The following HTD2 variants were observed in gnomAD, a reference collection of about 807,000 sequenced individuals.
HTD2 encodes the protein hydroxyacyl-thioester dehydratase type 2, mitochondrial.
A neutral mutation model predicts 3.1 loss-of-function variants in HTD2; 1 was observed. The ratio of observed to expected loss-of-function variants is 0.32; its 90% CI spans 0.11 to 1.52. The LOEUF (loss-of-function observed/expected upper bound fraction) is 1.52. Among genes scored for constraint, HTD2 ranks in the 40% most tolerant of loss-of-function variants. HTD2 has a pLI of 0.39. For synonymous variants in HTD2, 50 were observed against 28.9 expected (o/e 1.73, Z -2.34); for missense variants, 150 against 79.6 (o/e 1.88, Z -3.36).
chr3:58,311,618 A>C (rs1336111072), intron 2 of HTD2, among the ~76,000 whole-genome samples: 1 of 151,362 alleles, frequency 6.6e-6, no homozygotes, highest in Non-Finnish European at 1.5e-5. Context: ...ATTGTAATAT[A>C]TACCACTTTT....
chr3:58,315,313 T>C (rs1189284517), intron 2 of HTD2, among the ~76,000 whole-genome samples: 4 of 152,032 alleles, frequency 2.6e-5, no homozygotes, highest in Admixed American at 6.6e-5. Flanking sequence ...GTGTTTCCAT[T>C]TATAGAAGAC....
At chr3:58,310,229 C>G (rs770557650) in intron 1 of HTD2, 21 of 1,152,914 alleles carry the variant, frequency 1.8e-5, no homozygotes, top group Non-Finnish European at 2.7e-5. Context: ...CAAAAAAAAC[C>G]CAAATAGGCC....
At chr3:58,316,106 GC>G (rs2107508717) in intron 2 of HTD2, among the ~76,000 whole-genome samples, 1 of 152,340 alleles carries the variant, frequency 6.6e-6, no homozygotes, top group Non-Finnish European at 1.5e-5. Context: ...TTATATAGCT[GC>G]AAACAAACAG....
chr3:58,313,940 A>ATGG (rs2097485136), intron 2 of HTD2, among the ~76,000 whole-genome samples: 1 of 152,240 alleles, frequency 6.6e-6, no homozygotes, highest in Admixed American at 6.5e-5. Flanking sequence ...TAATCCCAAC[A>ATGG]CTTTGGGAAG....
At chr3:58,312,670 C>G (rs1387307857) in intron 2 of HTD2, among the ~76,000 whole-genome samples, 3 of 151,994 alleles carry the variant, frequency 2.0e-5, no homozygotes, top group Non-Finnish European at 4.4e-5. Flanking sequence ...ATGAGAAAGT[C>G]TCCTTATGGG....
intron 2 of HTD2, among the ~76,000 whole-genome samples, chr3:58,310,884 A>T (rs1356014737): frequency 1.3e-4 from 19 of 151,272 alleles, no homozygotes; most frequent in Non-Finnish European, 1.5e-5. Flanking sequence ...GAGCCGAGAT[A>T]ACGCCACTGC....
chr3:58,310,219 CAAAA>C (rs1002160792), intron 1 of HTD2: 3 of 977,970 alleles, frequency 3.1e-6, no homozygotes, highest in African/African-American at 1.6e-5. Flanking sequence ...AACAAACAAA[CAAAA>C]AAAACCCAAA....
At chr3:58,313,597 T>G (rs1406803474) in intron 2 of HTD2, among the ~76,000 whole-genome samples, 1 of 151,094 alleles carries the variant, frequency 6.6e-6, no homozygotes, top group Non-Finnish European at 1.5e-5. Context: ...GCCAAGCGGG[T>G]GGATCACTTG....
In HTD2 at chr3:58,316,604, G is replaced by C. The variant is rs1242359311; in HGVS notation, c.-254+13G>C. 2.2e-5 allele frequency: 35 copies of C among 1,609,102 alleles called. No homozygotes were observed. Among genetic ancestry groups the C allele is most frequent in the African/African-American group, 4.0e-5 (3 of 74,846 alleles). Reference sequence around the variant, plus strand: ...GAATATGTAGCAGGTATGACAGAGAGTGGGAAATTTCTAGTATAACAGGGC... The same window carrying C: ...GAATATGTAGCAGGTATGACAGAGACTGGGAAATTTCTAGTATAACAGGGC... On this transcript the variant is annotated intron_variant, in intron 3 of 4. Transcript: ENST00000461393.
At chr3:58,312,334 A>ACCCCCCCCCCCCCC (rs76719108) in intron 2 of HTD2, among the ~76,000 whole-genome samples, 4 of 69,662 alleles carry the variant, frequency 5.7e-5, no homozygotes, top group Admixed American at 1.7e-4. Context: ...CAACCTCCGC[A>ACCCCCCCCCCCCCC]CCCCCCCCCG....
intron 1 of HTD2, among the ~76,000 whole-genome samples, chr3:58,307,600 C>T (rs549111206): frequency 2.4e-4 from 37 of 152,238 alleles, no homozygotes; most frequent in Non-Finnish European, 8.8e-5. Flanking sequence ...ATGACGTACG[C>T]CTGTAATCCC....
chr3:58,312,862 G>A (rs2097483788), intron 2 of HTD2, among the ~76,000 whole-genome samples: 1 of 151,256 alleles, frequency 6.6e-6, no homozygotes. Flanking sequence ...TTGGAAGACT[G>A]AGGCAGGAGA....
At position 58,310,519 on chromosome 3, in the gene HTD2, TTG is replaced by T; in HGVS notation, c.-400_-399del. 6.2e-7 allele frequency: 1 copy of T among 1,610,620 alleles called. No individual in the cohort carries two copies. Among genetic ancestry groups the T allele is most frequent in the Non-Finnish European group, 8.5e-7 (1 of 1,179,072 alleles). On this transcript the variant is annotated 5_prime_UTR_variant, in exon 2 of 5. An upstream open reading frame in the 5' UTR loses its in-frame stop. Coordinates refer to ENST00000461393, the MANE Select transcript of HTD2 (RefSeq NM_001348712.2). ...TCACTTTTTTTAGAGAATTTCAAGATTGTGGAGTTGGACTGAATGCTGCACAG... is the reference window on the plus strand; with the variant it reads ...TCACTTTTTTTAGAGAATTTCAAGATTGGAGTTGGACTGAATGCTGCACAG...
chr3:58,310,446 C>G (rs1291095003), intron 1 of HTD2, 61 bp from the exon 2 acceptor site: 2 of 1,605,350 alleles, frequency 1.2e-6, no homozygotes, highest in Non-Finnish European at 1.7e-6. Flanking sequence ...GATTACTTTT[C>G]TAACATGAAT....
At position 58,318,385 on chromosome 3, in the gene HTD2, C is replaced by T. The variant is rs1135089; in HGVS notation, c.*265C>T. ...TTTAATTCAAGAAGTAGGCTGGGCC[C>T]GGTGGCTCATGCCTGTAATCCTGGC... On this transcript the variant is annotated 3_prime_UTR_variant, in exon 5 of 5. Coordinates refer to ENST00000461393, the MANE Select transcript of HTD2 (RefSeq NM_001348712.2). 0.25 allele frequency: 67,345 copies of T among 272,230 alleles called. 11,821 individuals carry two copies. The highest frequency in any genetic ancestry group is 0.79 in the East Asian group (10,410 of 13,220). The allele number at this position is 272,230 out of a possible 1,614,324, so 16.9% of individuals were successfully genotyped here. A position where few individuals can be genotyped will look rare whatever the true frequency, so the allele number is the denominator to read the frequency against.
chr3:58,308,526 C>G (rs1208035162), intron 1 of HTD2, among the ~76,000 whole-genome samples: 2 of 152,108 alleles, frequency 1.3e-5, no homozygotes, highest in Non-Finnish European at 2.9e-5. Context: ...CTCCTGGCCT[C>G]CCAAACTGTT....
chr3:58,317,301 G>A (rs547962572), intron 4 of HTD2, 139 bp from the exon 5 acceptor site: 12 of 629,134 alleles, frequency 1.9e-5, no homozygotes, highest in South Asian at 6.2e-5. Flanking sequence ...ACTTGTTATC[G>A]AAGGCTTCCT....
chr3:58,315,182 A>G (rs1477341062), intron 2 of HTD2, among the ~76,000 whole-genome samples: 2 of 152,196 alleles, frequency 1.3e-5, no homozygotes, highest in Non-Finnish European at 2.9e-5. Flanking sequence ...ACTGTGGTAC[A>G]TTCCTACTAT....
rs1427442117 is a variant in HTD2 at position 58,319,036 on chromosome 3, T to TA, written c.*917dup. On this transcript the variant is annotated 3_prime_UTR_variant, in exon 5 of 5. Transcript: ENST00000461393. Reference sequence around the variant, plus strand: ...CTACTTTTAGAAATTCAGACCTAGATAGATTTGCATTTGGATAACAAATCC... The same window carrying TA: ...CTACTTTTAGAAATTCAGACCTAGATAAGATTTGCATTTGGATAACAAATCC... The TA allele has an allele frequency of 6.6e-6, 1 of 152,038 alleles. No homozygotes were observed. The highest frequency in any genetic ancestry group is 1.5e-5 in the Non-Finnish European group (1 of 68,000). 9.4% of individuals were successfully genotyped at this position (152,038 alleles called of 1,614,324 possible).
Sources: gnomAD v4.1 joint callset for allele counts (sites outside exome capture counted in the v4.1 genomes callset) on GRCh38, gnomAD v4.1.1 for gene constraint, MANE v1.5 for transcripts, NCBI Gene and HGNC (gene_info 2026-07-23, HGNC 2026-07-21) for gene names.